Variants in C6 observed in about 807,000 individuals in gnomAD.
The protein encoded by C6 is complement component C6.
A neutral mutation model predicts 112.9 loss-of-function variants in C6; 101 were observed. The observed-to-expected ratio is 0.89, with a 90% CI of 0.76 to 1.06. The LOEUF is 1.06. Among genes scored for constraint, C6 ranks in the 50% least tolerant of loss-of-function variants. The pLI, the probability that C6 is intolerant of heterozygous loss-of-function variation, is 0.00. For synonymous variants in C6, 431 were observed against 384.1 expected (o/e 1.12, Z -1.43); for missense variants, 1,202 against 1,104.6 (o/e 1.09, Z -1.25).
chr5:41,194,024 G>C (rs1003337817), intron 5 of C6, among the ~76,000 whole-genome samples: 3 of 152,224 alleles, frequency 2.0e-5, no homozygotes, highest in Non-Finnish European at 4.4e-5. Flanking sequence ...TCGTCCTTCA[G>C]CCAAAGTACA....
intron 8 of C6, among the ~76,000 whole-genome samples, chr5:41,175,486 A>G (rs1398648759): frequency 6.6e-6 from 1 of 152,166 alleles, no homozygotes; most frequent in Non-Finnish European, 1.5e-5. Context: ...CTACCTCTAC[A>G]GAGAAAGAGA....
rs546530850 is a variant in C6 at position 41,149,857 on chromosome 5, G to C, written c.2381+78C>G. ...TTATTTCATGTCTGTGCTTCAAAAA[G>C]CTCAGCTCTTCCATCAAATTGGTTA... On this transcript the variant is annotated intron_variant, in intron 16 of 17. Transcript: ENST00000337836. 13 of 928,362 alleles carry C rather than the reference G, an allele frequency of 1.4e-5. No individual in the cohort carries two copies. The South Asian group carries it at 1.7e-4, about 12-fold the overall frequency. 57.5% of individuals were successfully genotyped at this position (928,362 alleles called of 1,614,324 possible).
intron 7 of C6, among the ~76,000 whole-genome samples, chr5:41,180,256 T>C (rs1188119379): frequency 6.6e-6 from 1 of 152,196 alleles, no homozygotes; most frequent in Non-Finnish European, 1.5e-5. Flanking sequence ...AACTCTGACA[T>C]TGGTACCTCT....
upstream of C6, among the ~76,000 whole-genome samples, chr5:41,218,372 A>G (rs868431309): frequency 2.6e-5 from 4 of 152,160 alleles, no homozygotes; most frequent in Non-Finnish European, 5.9e-5. Flanking sequence ...TGTTCTAGGC[A>G]CTTGAACAGT....
intron 1 of C6, among the ~76,000 whole-genome samples, chr5:41,252,770 T>C (rs1233769924): frequency 6.6e-6 from 1 of 152,196 alleles, no homozygotes; most frequent in Admixed American, 6.5e-5. Flanking sequence ...AGGCTTCATC[T>C]ACATAACAAG....
chr5:41,234,343 T>C (rs557915299), intron 1 of C6, among the ~76,000 whole-genome samples: 1 of 147,488 alleles, frequency 6.8e-6, no homozygotes, highest in Non-Finnish European at 1.5e-5. Flanking sequence ...CTTTCGTTTT[T>C]TTTTTTGTTT....
chr5:41,225,823 A>G (rs1169071280), intron 1 of C6, among the ~76,000 whole-genome samples: 2 of 152,182 alleles, frequency 1.3e-5, no homozygotes, highest in Non-Finnish European at 2.9e-5. Context: ...CTGATCTTTG[A>G]CAAACCTGAC....
At chr5:41,183,414 T>G (rs953390566) in intron 6 of C6, among the ~76,000 whole-genome samples, 39 of 151,958 alleles carry the variant, frequency 2.6e-4, no homozygotes, top group African/African-American at 9.2e-4. Context: ...GAAATGCAAA[T>G]CAAAGCCACA....
rs1745454569 is a variant in C6, at chr5:41,142,646, T to G, written c.*179A>C. 1 of 638,770 alleles carries G rather than the reference T, an allele frequency of 1.6e-6. No homozygotes were observed. The highest frequency in any genetic ancestry group is 2.8e-5 in the East Asian group (1 of 36,242). The allele number at this position is 638,770 out of a possible 1,614,324, so 39.6% of individuals were successfully genotyped here. Reference sequence around the variant, plus strand: ...CAGGGCGTCATGAGCTGGAACTGAATAAGACATGCCCAAACAGGAGAGTCA... The same window carrying G: ...CAGGGCGTCATGAGCTGGAACTGAAGAAGACATGCCCAAACAGGAGAGTCA... On this transcript the variant is annotated 3_prime_UTR_variant, in exon 18 of 18. Coordinates refer to ENST00000337836, the MANE Select transcript of C6 (RefSeq NM_000065.5).
intron 9 of C6, among the ~76,000 whole-genome samples, chr5:41,171,578 A>T (rs1748426252): frequency 6.6e-6 from 1 of 152,098 alleles, no homozygotes; most frequent in Non-Finnish European, 1.5e-5. Context: ...GGGGATTGGG[A>T]TAGAAAAGTG....
chr5:41,166,940 G>C (rs1241319324), intron 9 of C6, among the ~76,000 whole-genome samples: 1 of 152,070 alleles, frequency 6.6e-6, no homozygotes, highest in Non-Finnish European at 1.5e-5. Flanking sequence ...TTTAGTCTTA[G>C]TTTTATACAG....
At chr5:41,184,716 G>T (rs1410861000) in intron 6 of C6, among the ~76,000 whole-genome samples, 1 of 151,974 alleles carries the variant, frequency 6.6e-6, no homozygotes, top group Non-Finnish European at 1.5e-5. Flanking sequence ...CAAGTGATCT[G>T]CACCCCCTTG....
intron 1 of C6, among the ~76,000 whole-genome samples, chr5:41,207,423 A>G (rs1258749234): frequency 6.6e-6 from 1 of 152,232 alleles, no homozygotes; most frequent in East Asian, 1.9e-4. Flanking sequence ...ATTAAAAGAC[A>G]TAGACTGGCA....
At chr5:41,201,442 GAC>G in intron 3 of C6, 114 bp downstream of exon 3, 2 of 1,032,270 alleles carry the variant, frequency 1.9e-6, no homozygotes, top group Non-Finnish European at 3.0e-6. Context: ...TGGAAGCTGA[GAC>G]AGTTGATTTT....
intron 4 of C6, among the ~76,000 whole-genome samples, chr5:41,196,735 A>T (rs927625291): frequency 5.3e-5 from 8 of 151,862 alleles, no homozygotes; most frequent in Non-Finnish European, 1.0e-4. Flanking sequence ...TTTTTTGGAC[A>T]AGTTAAGTGT....
chr5:41,170,400 T>A (rs1394412243), intron 9 of C6, among the ~76,000 whole-genome samples: 1 of 152,004 alleles, frequency 6.6e-6, no homozygotes, highest in African/African-American at 2.4e-5. Context: ...AGCTTTGAAA[T>A]CTGTTTTAAT....
chr5:41,172,988 T>C (rs1279585169), intron 8 of C6, among the ~76,000 whole-genome samples: 1 of 152,178 alleles, frequency 6.6e-6, no homozygotes, highest in Non-Finnish European at 1.5e-5. Flanking sequence ...AAATTCTGAC[T>C]TCCTGACCTA....
chr5:41,164,031 A>G (rs1449372356), intron 9 of C6, among the ~76,000 whole-genome samples: 1 of 151,588 alleles, frequency 6.6e-6, no homozygotes, highest in Non-Finnish European at 1.5e-5. Context: ...CTCAATGAGT[A>G]TATGGAATAG....
At chr5:41,251,791 G>A (rs1404303125) in intron 1 of C6, among the ~76,000 whole-genome samples, 1 of 152,214 alleles carries the variant, frequency 6.6e-6, no homozygotes, top group African/African-American at 2.4e-5. Flanking sequence ...ATACTAGGTA[G>A]TTCAGGGATT....
Sources: allele counts gnomAD v4.1 joint callset (sites outside exome capture counted in the v4.1 genomes callset), GRCh38; gene constraint gnomAD v4.1.1; transcripts MANE v1.5; gene names NCBI Gene and HGNC (gene_info 2026-07-23, HGNC 2026-07-21).